Variants in APLP2 observed in about 807,000 individuals in gnomAD.
The protein encoded by APLP2 is amyloid beta precursor like protein 2.
Under a neutral mutation model 89.9 loss-of-function variants are expected in APLP2, and 53 were observed. The observed-to-expected ratio is 0.59, with a 90% confidence interval of 0.47 to 0.74. The LOEUF (loss-of-function observed/expected upper bound fraction) is 0.74. Ranked by LOEUF, APLP2 falls within the 30% of genes least tolerant of loss-of-function variation. The pLI, the probability that APLP2 is intolerant of heterozygous loss-of-function variation, is 0.00. For synonymous variants in APLP2, 372 were observed against 348.6 expected (o/e 1.07, Z -0.75); for missense variants, 973 against 975.9 (o/e 1.00, Z 0.04).
intron 13 of APLP2, chr11:130,138,930 T>C (rs1352889780): frequency 1.3e-5 from 2 of 152,124 alleles, no homozygotes; most frequent in Non-Finnish European, 2.9e-5. Flanking sequence ...CAGTGCCACA[T>C]TGCTTTTTGA....
At position 130,141,550 on chromosome 11, in the gene APLP2, T is replaced by C; in HGVS notation, c.1976T>C (p.Val659Ala). 1 of 1,613,772 alleles carries C rather than the reference T, an allele frequency of 6.2e-7. No homozygotes were observed. The highest frequency in any genetic ancestry group is 8.5e-7 in the Non-Finnish European group (1 of 1,179,916). Residue 659 changes from valine to alanine, a missense_variant, in exon 15 of 17, where the codon GTT becomes GCT. By Grantham distance (64) the Val-to-Ala change is moderately conservative. Transcript: ENST00000338167. The surrounding 1 kb of genome is among the most constrained non-coding windows in gnomAD (Gnocchi z 4.2). The part of the protein sequence containing the change: ...VKEMIFNAER[V>A]GGLEEERESV... ...GAAATGATTTTCAATGCCGAGAGAG[T>C]TGGAGGCCTCGAGGAAGAGCGGGTA...
intron 5 of APLP2, 85 bp from the exon 6 acceptor site, chr11:130,122,220 G>A (rs960360475): frequency 2.0e-6 from 3 of 1,479,806 alleles, no homozygotes; most frequent in Non-Finnish European, 2.8e-6. Flanking sequence ...CTCTGTTTTT[G>A]TGTTTCAGAA....
chr11:130,091,828 C>G (rs866188133), intron 1 of APLP2, among the ~76,000 whole-genome samples: 3 of 149,638 alleles, frequency 2.0e-5, no homozygotes, highest in South Asian at 2.1e-4. Context: ...CTGACCCCCC[C>G]CCACCTCCCT....
intron 7 of APLP2, among the ~76,000 whole-genome samples, 197 bp from the exon 8 acceptor site, chr11:130,126,503 A>G (rs1222931456): frequency 6.6e-6 from 1 of 152,206 alleles, no homozygotes; most frequent in African/African-American, 2.4e-5. Flanking sequence ...GTGGGCTGAC[A>G]TGGTTGATGA....
intron 1 of APLP2, among the ~76,000 whole-genome samples, chr11:130,072,133 C>G (rs1941217673): frequency 6.6e-6 from 1 of 152,190 alleles, no homozygotes; most frequent in South Asian, 2.1e-4. Flanking sequence ...AAAGAAAAAG[C>G]TCACCTCTGG....
At chr11:130,106,303 C>T (rs1947744838) in intron 1 of APLP2, among the ~76,000 whole-genome samples, 1 of 152,184 alleles carries the variant, frequency 6.6e-6, no homozygotes, top group South Asian at 2.1e-4. Flanking sequence ...ATTTTAGGCT[C>T]TGTGGTTTCT....
intron 1 of APLP2, among the ~76,000 whole-genome samples, chr11:130,072,109 T>C (rs1343463329): frequency 6.6e-6 from 1 of 152,170 alleles, no homozygotes; most frequent in African/African-American, 2.4e-5. Flanking sequence ...AATTAATCTC[T>C]TACACCTGTT....
intron 1 of APLP2, among the ~76,000 whole-genome samples, chr11:130,107,086 T>C (rs1354649657): frequency 6.6e-6 from 1 of 152,240 alleles, no homozygotes; most frequent in Non-Finnish European, 1.5e-5. Flanking sequence ...ACTCTTGCAT[T>C]AGAGCCCCAA....
Position 130,110,519 on chromosome 11 carries a change from GTGTT to G in APLP2, c.280-13_280-10del. On this transcript the variant is annotated splice_polypyrimidine_tract_variant and intron_variant, in intron 2 of 16. Coordinates refer to ENST00000338167, the MANE Select transcript of APLP2 (RefSeq NM_001142276.2). ...GTCTGCAGATTGATTTATTGTGTGTGTGTTTGTTTTCTTAACAGATGTATCCAGA... is the reference window on the plus strand; with the variant it reads ...GTCTGCAGATTGATTTATTGTGTGTGTGTTTTCTTAACAGATGTATCCAGA... 4 of 1,611,758 alleles carry G rather than the reference GTGTT, an allele frequency of 2.5e-6. No individual in the cohort carries two copies. The highest frequency in any genetic ancestry group is 3.4e-6 in the Non-Finnish European group (4 of 1,179,258).
At chr11:130,134,109 A>G (rs561647650) in intron 12 of APLP2, among the ~76,000 whole-genome samples, 7 of 152,268 alleles carry the variant, frequency 4.6e-5, no homozygotes, top group Non-Finnish European at 4.4e-5. Context: ...TATCTTCTTC[A>G]TTTATTCAAC....
intron 1 of APLP2, among the ~76,000 whole-genome samples, chr11:130,085,349 G>A (rs1943937395): frequency 6.6e-6 from 1 of 152,180 alleles, no homozygotes; most frequent in East Asian, 1.9e-4. Flanking sequence ...CTACTCCGGA[G>A]GCTGAGGCAG....
chr11:130,124,955 A>G (rs1035814503), intron 7 of APLP2, among the ~76,000 whole-genome samples: 1 of 152,186 alleles, frequency 6.6e-6, no homozygotes, highest in Admixed American at 6.5e-5. Flanking sequence ...GGTGATCTCT[A>G]CCCGAAGGGT....
At chr11:130,107,795 C>T (rs1045813042) in intron 1 of APLP2, among the ~76,000 whole-genome samples, 9 of 152,172 alleles carry the variant, frequency 5.9e-5, no homozygotes, top group South Asian at 2.1e-4. Context: ...GGAGGCATCA[C>T]GCTACCTGAC....
chr11:130,141,561 G>A lies in APLP2; in HGVS notation c.1987G>A (p.Glu663Lys), dbSNP rs772072298. Residue 663 changes from glutamate (E) to lysine (K), a missense_variant, in exon 15 of 17, where the codon GAG (glutamate) becomes AAG (lysine). By Grantham distance (56) the Glu-to-Lys change is moderately conservative. Transcript: ENST00000338167. This position sits in a 1 kb window ranked among gnomAD's most constrained non-coding sequence, Gnocchi z 4.2. ...CAATGCCGAGAGAGTTGGAGGCCTC[G>A]AGGAAGAGCGGGTACGTGTTTAGCT... is the stretch of plus-strand genomic sequence containing the variant. ...IFNAERVGGLEEERESVGPLR... is the reference protein window; with the variant it reads ...IFNAERVGGLKEERESVGPLR... 4 of 1,613,950 alleles carry A rather than the reference G, an allele frequency of 2.5e-6. No homozygotes were observed. Among genetic ancestry groups the A allele is most frequent in the Middle Eastern group, 1.7e-4 (1 of 6,060 alleles).
intron 11 of APLP2, among the ~76,000 whole-genome samples, chr11:130,130,578 T>C (rs906870177): frequency 3.3e-5 from 5 of 152,210 alleles, no homozygotes; most frequent in African/African-American, 1.2e-4. Context: ...TACTTTCATC[T>C]ACAGAGGTTT....
chr11:130,136,442 C>T (rs1018068201), intron 13 of APLP2, among the ~76,000 whole-genome samples: 4 of 152,130 alleles, frequency 2.6e-5, no homozygotes, highest in Non-Finnish European at 5.9e-5. Context: ...TCGAGTGTCC[C>T]CATGTGGGGA....
At chr11:130,131,408 T>C (rs1329928192) in intron 11 of APLP2, among the ~76,000 whole-genome samples, 1 of 152,184 alleles carries the variant, frequency 6.6e-6, no homozygotes, top group Non-Finnish European at 1.5e-5. Context: ...CTAGAGCAGG[T>C]GTTCTTAGAT....
chr11:130,137,371 T>G (rs1951756954), intron 13 of APLP2: 1 of 1,330,006 alleles, frequency 7.5e-7, no homozygotes, highest in Admixed American at 1.7e-5. Flanking sequence ...ATGTTCTGTT[T>G]CATGCCATCA....
intron 13 of APLP2, among the ~76,000 whole-genome samples, chr11:130,136,021 A>C (rs543668015): frequency 7.2e-5 from 11 of 152,126 alleles, no homozygotes; most frequent in Admixed American, 2.6e-4. Context: ...GGCAGTTGAA[A>C]CAGCGCCTTC....
Sources: gnomAD v4.1 joint callset for allele counts (sites outside exome capture counted in the v4.1 genomes callset) on GRCh38, gnomAD v4.1.1 for gene constraint, Gnocchi (gnomAD v3.1) non-coding constraint, MANE v1.5 for transcripts, NCBI Gene and HGNC (gene_info 2026-07-23, HGNC 2026-07-21) for gene names.